Variants in CAMTA1 observed in about 807,000 individuals in gnomAD.
CAMTA1 encodes the protein calmodulin-binding transcription activator 1.
A neutral mutation model predicts 170.9 loss-of-function variants in CAMTA1; 27 were observed. The ratio of observed to expected loss-of-function variants is 0.16; its 90% CI spans 0.12 to 0.22. The LOEUF is 0.22. CAMTA1 is among the 10% of genes least tolerant of loss of function. The pLI is 1.00. For synonymous variants in CAMTA1, 833 were observed against 891.5 expected, an observed-to-expected ratio of 0.93 and a Z score of 1.17; for missense variants, 1,619 against 2,217.2, an observed-to-expected ratio of 0.73 and a Z score of 5.42.
At chr1:7,287,259 C>G (rs1672478994) in intron 5 of CAMTA1, among the ~76,000 whole-genome samples, 1 of 152,130 alleles carries the variant, frequency 6.6e-6, no homozygotes, top group African/African-American at 2.4e-5. Context: ...CCCCTGTGTT[C>G]TGCAGAATGC....
intron 1 of CAMTA1, among the ~76,000 whole-genome samples, chr1:6,802,398 CT>C (rs1303884463): frequency 5.3e-5 from 8 of 152,096 alleles, no homozygotes; most frequent in African/African-American, 1.9e-4. Flanking sequence ...AGGTGATCAT[CT>C]CACTCTGGTC....
At chr1:7,078,657 A>G (rs1639627630) in intron 3 of CAMTA1, among the ~76,000 whole-genome samples, 1 of 152,270 alleles carries the variant, frequency 6.6e-6, no homozygotes, top group African/African-American at 2.4e-5. Flanking sequence ...GACTAGATTC[A>G]TCCTCTTGCT....
At chr1:7,483,808 C>T (rs531776047) in intron 6 of CAMTA1, among the ~76,000 whole-genome samples, 6 of 152,218 alleles carry the variant, frequency 3.9e-5, no homozygotes, top group Non-Finnish European at 5.9e-5. Flanking sequence ...AGCTGGAGAA[C>T]GCAGCCCACA....
chr1:7,656,672 TC>T (rs2095906019), intron 7 of CAMTA1, among the ~76,000 whole-genome samples: 1 of 152,240 alleles, frequency 6.6e-6, no homozygotes, highest in Admixed American at 6.5e-5. Context: ...CAAGAGGCTC[TC>T]GGCTGGCAGC....
chr1:7,743,297 AATT>A (rs1192645970), intron 16 of CAMTA1, among the ~76,000 whole-genome samples: 2 of 152,114 alleles, frequency 1.3e-5, no homozygotes, highest in Admixed American at 6.5e-5. Context: ...AAATTTATAA[AATT>A]ATCCACAATA....
rs954536567 is a variant in CAMTA1, at chr1:7,682,612, C to T, written c.2914+4879C>T. Reference sequence around the variant, plus strand: ...GATTCTAGTACCAGCCTCCACCCACCAGAGCTGGGAGATCACACACTGTCC... The same window carrying T: ...GATTCTAGTACCAGCCTCCACCCACTAGAGCTGGGAGATCACACACTGTCC... On this transcript the variant is annotated intron_variant, in intron 11 of 22. Coordinates refer to ENST00000303635, the MANE Select transcript of CAMTA1 (RefSeq NM_015215.4). The surrounding 1 kb of genome is among the most constrained non-coding windows in gnomAD (Gnocchi z 5.0). Among the ~76,000 whole-genome samples the T allele has an allele frequency of 2.0e-5, 3 of 152,214 alleles. No individual in the cohort carries two copies. Among genetic ancestry groups the T allele is most frequent in the African/African-American group, 7.2e-5 (3 of 41,452 alleles).
In CAMTA1 at chr1:7,300,259, A is replaced by G. The variant is rs1345806841; in HGVS notation, c.438+50633A>G. On this transcript the variant is annotated intron_variant, in intron 5 of 22. Coordinates refer to ENST00000303635, the MANE Select transcript of CAMTA1 (RefSeq NM_015215.4). The surrounding 1 kb of genome is among the most constrained non-coding windows in gnomAD (Gnocchi z 4.1). ...CCAAGGGTCTCCCCTAGACCCTGGC[A>G]CAGAATCACCCTGGTCCCCACTCTG... 6.6e-6 allele frequency among the ~76,000 whole-genome samples: 1 copy of G among 152,196 alleles called. No individual in the cohort carries two copies. The highest frequency in any genetic ancestry group is 2.4e-5 in the African/African-American group (1 of 41,438).
intron 10 of CAMTA1, chr1:7,672,064 G>A (rs552639600): frequency 2.0e-4 from 91 of 456,088 alleles, no homozygotes; most frequent in Admixed American, 1.3e-3. Flanking sequence ...CAGCCCTCAG[G>A]ATGGCCTGTC....
chr1:7,245,756 A>T (rs192595404), intron 4 of CAMTA1, among the ~76,000 whole-genome samples: 103 of 152,298 alleles, frequency 6.8e-4, no homozygotes, highest in Admixed American at 5.6e-3. Context: ...TCACACCATC[A>T]GCCTTCGTTC....
At chr1:7,292,830 T>C (rs1339940843) in intron 5 of CAMTA1, among the ~76,000 whole-genome samples, 1 of 152,154 alleles carries the variant, frequency 6.6e-6, no homozygotes, top group East Asian at 1.9e-4. Context: ...TCAGTTCCCT[T>C]TGAGAAGACA....
chr1:6,904,471 C>G (rs1442956540), intron 3 of CAMTA1, among the ~76,000 whole-genome samples: 1 of 151,988 alleles, frequency 6.6e-6, no homozygotes, highest in Non-Finnish European at 1.5e-5. Flanking sequence ...ATTTAAATTT[C>G]TGTTTATCTG....
chr1:7,504,135 G>C (rs2462926), intron 6 of CAMTA1, among the ~76,000 whole-genome samples: 14,193 of 152,224 alleles, frequency 0.093, 800 homozygotes, highest in Middle Eastern at 0.18. Context: ...GGGGGACTCT[G>C]TGTCCTCACT....
At chr1:7,294,650 C>G (rs1024649475) in intron 5 of CAMTA1, among the ~76,000 whole-genome samples, 3 of 152,208 alleles carry the variant, frequency 2.0e-5, no homozygotes, top group African/African-American at 7.2e-5. Flanking sequence ...ATTCTGGTCC[C>G]TGGAGTAGTG....
At chr1:6,940,866 T>C (rs1014629704) in intron 3 of CAMTA1, among the ~76,000 whole-genome samples, 4 of 57,476 alleles carry the variant, frequency 7.0e-5, no homozygotes, top group African/African-American at 2.6e-4. Context: ...CCATTTGTGA[T>C]GGACTCTGCA....
chr1:6,908,050 G>A (rs962159358), intron 3 of CAMTA1, among the ~76,000 whole-genome samples: 1 of 152,064 alleles, frequency 6.6e-6, no homozygotes, highest in African/African-American at 2.4e-5. Flanking sequence ...TCCCTCAGAC[G>A]TGCCAAGTAA....
chr1:7,025,933 A>G (rs1322870928), intron 3 of CAMTA1, among the ~76,000 whole-genome samples: 3 of 152,192 alleles, frequency 2.0e-5, no homozygotes, highest in Non-Finnish European at 4.4e-5. Flanking sequence ...CCTGGGCAAC[A>G]ACATGGCAAG....
intron 6 of CAMTA1, among the ~76,000 whole-genome samples, chr1:7,499,457 T>A (rs1232482947): frequency 7.4e-6 from 1 of 135,538 alleles, no homozygotes; most frequent in Non-Finnish European, 1.6e-5. Flanking sequence ...TATGAGTGTG[T>A]GTGTGTGCAT....
intron 6 of CAMTA1, among the ~76,000 whole-genome samples, chr1:7,524,166 C>T (rs1181975390): frequency 1.3e-5 from 2 of 152,218 alleles, no homozygotes; most frequent in East Asian, 1.9e-4. Context: ...CGCACCACTG[C>T]ACTCCAGCCT....
At chr1:7,207,157 A>G (rs1657889866) in intron 4 of CAMTA1, among the ~76,000 whole-genome samples, 1 of 152,246 alleles carries the variant, frequency 6.6e-6, no homozygotes, top group African/African-American at 2.4e-5. Flanking sequence ...AACAATCAGC[A>G]TCCACTGAGT....
Sources: gnomAD v4.1 joint callset for allele counts (sites outside exome capture counted in the v4.1 genomes callset) on GRCh38, gnomAD v4.1.1 for gene constraint, Gnocchi (gnomAD v3.1) non-coding constraint, MANE v1.5 for transcripts, NCBI Gene and HGNC (gene_info 2026-07-23, HGNC 2026-07-21) for gene names.